The following KHDRBS2 variants were observed in gnomAD, a reference collection of about 807,000 sequenced individuals.
KHDRBS2 encodes the protein KH RNA binding domain containing, signal transduction associated 2.
Under a neutral mutation model 44.3 loss-of-function variants are expected in KHDRBS2, and 26 were observed. That is an observed-to-expected ratio of 0.59 (90% confidence interval 0.43 to 0.81). The LOEUF is 0.81. Among genes scored for constraint, KHDRBS2 ranks in the 40% least tolerant of loss-of-function variants. The probability of loss-of-function intolerance (pLI) is 0.00; values close to 1 mark genes in which losing one functional copy is unlikely to be tolerated. For synonymous variants in KHDRBS2, 194 were observed against 151.1 expected (o/e 1.28, Z -2.08); for missense variants, 476 against 433.1 (o/e 1.10, Z -0.88).
chr6:61,718,254 G>A (rs890631372), intron 7 of KHDRBS2, among the ~76,000 whole-genome samples: 7 of 152,016 alleles, frequency 4.6e-5, no homozygotes, highest in African/African-American at 1.2e-4. Flanking sequence ...AAGTTTGTGC[G>A]AGGGGTTTGA....
intron 5 of KHDRBS2, among the ~76,000 whole-genome samples, chr6:61,897,244 C>A (rs2127337588): frequency 6.6e-6 from 1 of 152,268 alleles, no homozygotes; most frequent in South Asian, 2.1e-4. Context: ...AGACAGGGAG[C>A]TCCCAGTGAT....
intron 6 of KHDRBS2, among the ~76,000 whole-genome samples, chr6:61,756,202 C>T (rs905296316): frequency 5.9e-5 from 9 of 152,042 alleles, no homozygotes; most frequent in Non-Finnish European, 8.8e-5. Flanking sequence ...ATTTTTTATT[C>T]ATGCATATTT....
chr6:61,848,552 C>CATATATATATGTATATATATATACAT (rs1794925760), intron 6 of KHDRBS2, among the ~76,000 whole-genome samples: 4 of 37,244 alleles, frequency 1.1e-4, no homozygotes, highest in African/African-American at 4.4e-4. Context: ...TATATATATA[C>CATATATATATGTATATATATATACAT]ATATATATAT....
At chr6:61,967,183 G>A in intron 4 of KHDRBS2, among the ~76,000 whole-genome samples, 1 of 130,362 alleles carries the variant, frequency 7.7e-6, no homozygotes. Flanking sequence ...ATTGGAGTAG[G>A]ATTTCTTTCC....
chr6:61,850,980 C>T (rs1795325326), intron 6 of KHDRBS2, among the ~76,000 whole-genome samples: 1 of 152,076 alleles, frequency 6.6e-6, no homozygotes, highest in African/African-American at 2.4e-5. Flanking sequence ...AAAACCTCCC[C>T]TGAATGACTA....
intron 4 of KHDRBS2, among the ~76,000 whole-genome samples, chr6:61,910,736 C>G (rs1236565202): frequency 2.0e-5 from 3 of 152,106 alleles, no homozygotes; most frequent in Admixed American, 2.0e-4. Flanking sequence ...ATCCATCCTA[C>G]CCTAGAAAAT....
chr6:61,829,345 A>G (rs1317785035), intron 6 of KHDRBS2, among the ~76,000 whole-genome samples: 2 of 152,038 alleles, frequency 1.3e-5, no homozygotes, highest in Non-Finnish European at 2.9e-5. Flanking sequence ...TTGTATTTTA[A>G]TAGAGACGGG....
At chr6:62,060,109 C>A (rs1791391088) in intron 2 of KHDRBS2, among the ~76,000 whole-genome samples, 2 of 151,592 alleles carry the variant, frequency 1.3e-5, no homozygotes, top group Non-Finnish European at 1.5e-5. Context: ...ACTTTCCTGG[C>A]AGAAGGAGTA....
the KHDRBS2 span, among the ~76,000 whole-genome samples, chr6:61,558,944 G>T: frequency 1.1e-4 from 16 of 152,192 alleles, no homozygotes; most frequent in Non-Finnish European, 2.2e-4. Context: ...TTTGGTCTTA[G>T]TGTAGATTAA....
intron 2 of KHDRBS2, among the ~76,000 whole-genome samples, chr6:62,167,320 G>A (rs373076090): frequency 1.3e-4 from 20 of 151,914 alleles, no homozygotes; most frequent in African/African-American, 3.4e-4. Context: ...CAACTAATTC[G>A]GAATTAGAAA....
chr6:62,009,461 G>A (rs2127267683), intron 3 of KHDRBS2, among the ~76,000 whole-genome samples: 1 of 152,336 alleles, frequency 6.6e-6, no homozygotes, highest in African/African-American at 2.4e-5. Context: ...CATTTTCTGA[G>A]GAGAAATCCA....
At chr6:61,661,041 A>C in the KHDRBS2 span, among the ~76,000 whole-genome samples, 1 of 151,888 alleles carries the variant, frequency 6.6e-6, no homozygotes, top group Non-Finnish European at 1.5e-5. Flanking sequence ...AATAAGACAC[A>C]CAGAAATTGT....
chr6:61,900,505 C>T (rs1159884424), intron 5 of KHDRBS2, among the ~76,000 whole-genome samples: 2 of 151,990 alleles, frequency 1.3e-5, no homozygotes, highest in African/African-American at 2.4e-5. Context: ...AAACCAATGC[C>T]TTCTATTAAA....
At chr6:62,032,399 C>T (rs6937831) in intron 3 of KHDRBS2, among the ~76,000 whole-genome samples, 85,496 of 151,700 alleles carry the variant, frequency 0.56, 24,397 homozygotes, top group Non-Finnish European at 0.59. Context: ...TTCCTGCCCT[C>T]GTACATTGGA....
chr6:62,135,146 C>A (rs1811224706), intron 2 of KHDRBS2, among the ~76,000 whole-genome samples: 1 of 152,112 alleles, frequency 6.6e-6, no homozygotes, highest in Non-Finnish European at 1.5e-5. Flanking sequence ...TGATTCCCAC[C>A]TGTTGTGGGA....
intron 6 of KHDRBS2, among the ~76,000 whole-genome samples, chr6:61,755,633 A>C (rs1486165947): frequency 6.6e-6 from 1 of 151,846 alleles, no homozygotes; most frequent in East Asian, 1.9e-4. Context: ...AACATGGTGA[A>C]ACCCCATCTC....
chr6:62,059,034 C>T (rs904986230), intron 2 of KHDRBS2, among the ~76,000 whole-genome samples: 1 of 151,380 alleles, frequency 6.6e-6, no homozygotes, highest in Non-Finnish European at 1.5e-5. Context: ...AATATAAATA[C>T]CTCTTTCAGA....
chr6:61,732,771 CA>C lies in KHDRBS2; in HGVS notation c.811-8del, dbSNP rs746536476. The C allele has an allele frequency of 5.5e-5, 84 of 1,530,136 alleles. No homozygotes were observed. Among genetic ancestry groups the C allele is most frequent in the Non-Finnish European group, 6.9e-5 (76 of 1,105,868 alleles). The allele number at this position is 1,530,136 out of a possible 1,614,324, so 94.8% of individuals were successfully genotyped here. On this transcript the variant is annotated splice_polypyrimidine_tract_variant and splice_region_variant and intron_variant, in intron 6 of 8. Transcript: ENST00000281156. Reference sequence around the variant, plus strand: ...CGTAGCCATCATCATAACCCTGAGACAAAAAAATGGTAGAAACACCTGTTAG... The same window carrying C: ...CGTAGCCATCATCATAACCCTGAGACAAAAAATGGTAGAAACACCTGTTAG...
intron 2 of KHDRBS2, among the ~76,000 whole-genome samples, chr6:62,110,751 C>G (rs1187803954): frequency 6.6e-6 from 1 of 151,974 alleles, no homozygotes; most frequent in Non-Finnish European, 1.5e-5. Context: ...ACAAAGCAAT[C>G]TTTTCAACAA....
Sources: gnomAD v4.1 joint callset for allele counts (sites outside exome capture counted in the v4.1 genomes callset) on GRCh38, gnomAD v4.1.1 for gene constraint, MANE v1.5 for transcripts, NCBI Gene and HGNC (gene_info 2026-07-23, HGNC 2026-07-21) for gene names.